The following MARCHF3 variants were observed in gnomAD, a reference collection of about 807,000 sequenced individuals.
MARCHF3 encodes the protein E3 ubiquitin-protein ligase MARCHF3.
A neutral mutation model predicts 24.2 loss-of-function variants in MARCHF3; 13 were observed. That is an observed-to-expected ratio of 0.54 (90% CI 0.35 to 0.85). The LOEUF is 0.85. Ranked by LOEUF, MARCHF3 falls within the 40% of genes least tolerant of loss-of-function variation. MARCHF3 has a pLI of 0.01. For synonymous variants in MARCHF3, 144 were observed against 137.3 expected (o/e 1.05, Z -0.34); for missense variants, 276 against 325.0 (o/e 0.85, Z 1.16).
chr5:126,948,707 A>G (rs1050153960), intron 1 of MARCHF3, among the ~76,000 whole-genome samples: 1 of 152,178 alleles, frequency 6.6e-6, no homozygotes, highest in Non-Finnish European at 1.5e-5. Context: ...AGAGACAGGG[A>G]ACTTGGTGAC....
At chr5:127,028,617 G>A (rs73783512) in intron 1 of MARCHF3, among the ~76,000 whole-genome samples, 3,550 of 149,554 alleles carry the variant, frequency 0.024, 59 homozygotes, top group Non-Finnish European at 0.027. Flanking sequence ...ATTTTAACAA[G>A]CAAAAGCAAA....
At chr5:126,962,834 C>CGT (rs10635460) in intron 1 of MARCHF3, among the ~76,000 whole-genome samples, 8,759 of 146,986 alleles carry the variant, frequency 0.06, 652 homozygotes, top group African/African-American at 0.18. Context: ...TGTGTGTGTG[C>CGT]GTGTGTGTGT....
chr5:126,971,198 C>T (rs139495629), intron 1 of MARCHF3, among the ~76,000 whole-genome samples: 3,089 of 151,992 alleles, frequency 0.02, 75 homozygotes, highest in South Asian at 0.12. Context: ...ACCTGTAATC[C>T]CAGCACTTTG....
intron 1 of MARCHF3, among the ~76,000 whole-genome samples, chr5:126,979,820 T>G (rs1449523367): frequency 6.6e-6 from 1 of 151,696 alleles, no homozygotes; most frequent in African/African-American, 2.4e-5. Flanking sequence ...TGGTGGTGCA[T>G]GCCTGTAATC....
chr5:126,997,913 A>T (rs1044687084), intron 1 of MARCHF3, among the ~76,000 whole-genome samples: 3 of 152,226 alleles, frequency 2.0e-5, no homozygotes, highest in African/African-American at 7.2e-5. Context: ...TATTAAGCCT[A>T]TTGACTGTTT....
At chr5:126,890,609 G>A (rs1347030717) in intron 3 of MARCHF3, among the ~76,000 whole-genome samples, 7 of 151,740 alleles carry the variant, frequency 4.6e-5, no homozygotes, top group Non-Finnish European at 7.4e-5. Context: ...CCTACAAAGG[G>A]CATGAACTCA....
chr5:126,878,375 G>A lies in MARCHF3; in HGVS notation c.413C>T (p.Pro138Leu). 1 of 1,613,462 alleles carries A rather than the reference G, an allele frequency of 6.2e-7. No homozygotes were observed. Among genetic ancestry groups the A allele is most frequent in the South Asian group, 1.1e-5 (1 of 90,956 alleles). Residue 138 changes from proline to leucine, a missense_variant, in exon 4 of 5, where the codon CCC (proline) becomes CTC (leucine). Physicochemically the swap from Pro to Leu is moderately conservative, Grantham distance 98 (BLOSUM62 -3). Transcript: ENST00000308660. ...PLVEWLRNPGPQHEKRTLFGD... is the reference protein window; with the variant it reads ...PLVEWLRNPGLQHEKRTLFGD... ...AAACAGAGTCCGCTTCTCATGCTGG[G>A]GGCCAGGGTTTCTCAGCCACTGCCA...
intron 1 of MARCHF3, among the ~76,000 whole-genome samples, chr5:126,951,253 T>A: frequency 6.6e-6 from 1 of 152,142 alleles, no homozygotes; most frequent in East Asian, 1.9e-4. Flanking sequence ...CTTTACTAGT[T>A]CCTCCCATTC....
At chr5:126,938,456 C>T (rs994872516) in intron 1 of MARCHF3, among the ~76,000 whole-genome samples, 4 of 151,636 alleles carry the variant, frequency 2.6e-5, no homozygotes, top group East Asian at 3.9e-4. Context: ...GTGTGAGCCA[C>T]TGTGCCTGGC....
At chr5:126,982,467 C>T (rs766095642) in intron 1 of MARCHF3, among the ~76,000 whole-genome samples, 3 of 152,192 alleles carry the variant, frequency 2.0e-5, no homozygotes, top group Non-Finnish European at 4.4e-5. Context: ...CCCAACACTA[C>T]TGGAGGGGAA....
At chr5:126,887,372 A>G (rs534309770) in intron 3 of MARCHF3, among the ~76,000 whole-genome samples, 1 of 152,382 alleles carries the variant, frequency 6.6e-6, no homozygotes, top group South Asian at 2.1e-4. Flanking sequence ...CAGTACAAAC[A>G]GAAATACAGA....
At chr5:126,969,724 T>A (rs1750935872) in intron 1 of MARCHF3, among the ~76,000 whole-genome samples, 1 of 152,166 alleles carries the variant, frequency 6.6e-6, no homozygotes, top group South Asian at 2.1e-4. Context: ...AGCATTAGAA[T>A]CACCTGGAGA....
intron 1 of MARCHF3, among the ~76,000 whole-genome samples, chr5:126,923,880 C>T (rs1749209536): frequency 6.6e-6 from 1 of 152,092 alleles, no homozygotes; most frequent in Non-Finnish European, 1.5e-5. Flanking sequence ...ACCTCTACAA[C>T]CAGAGTTGGT....
chr5:126,928,783 A>C (rs1749384000), intron 1 of MARCHF3, among the ~76,000 whole-genome samples: 1 of 152,190 alleles, frequency 6.6e-6, no homozygotes, highest in Admixed American at 6.5e-5. Context: ...CTAAAAATTA[A>C]TCAAGATTTT....
intron 1 of MARCHF3, among the ~76,000 whole-genome samples, chr5:126,959,125 T>C (rs1205160368): frequency 1.3e-5 from 2 of 152,094 alleles, no homozygotes; most frequent in East Asian, 3.8e-4. Flanking sequence ...CCAAAGGCTA[T>C]AGTATGGAAA....
chr5:126,936,922 G>A (rs1749666057), intron 1 of MARCHF3, among the ~76,000 whole-genome samples: 1 of 152,250 alleles, frequency 6.6e-6, no homozygotes, highest in East Asian at 1.9e-4. Flanking sequence ...CCTAGAAACA[G>A]CTGGTTCAGT....
At chr5:127,023,575 T>C (rs1168881708) in intron 1 of MARCHF3, among the ~76,000 whole-genome samples, 2 of 151,452 alleles carry the variant, frequency 1.3e-5, no homozygotes, top group East Asian at 1.9e-4. Flanking sequence ...TACTAAAAAA[T>C]ACAAAAATTA....
At chr5:126,970,680 C>T (rs192711806) in intron 1 of MARCHF3, among the ~76,000 whole-genome samples, 1 of 152,170 alleles carries the variant, frequency 6.6e-6, no homozygotes, top group Admixed American at 6.5e-5. Flanking sequence ...TTTTATCGGT[C>T]CCAGGATGGT....
chr5:126,977,087 T>C (rs552229808), intron 1 of MARCHF3, among the ~76,000 whole-genome samples: 2 of 152,358 alleles, frequency 1.3e-5, no homozygotes, highest in South Asian at 4.1e-4. Flanking sequence ...AGCACGTACA[T>C]GACTGAAGGC....
Sources: gnomAD v4.1 joint callset for allele counts (sites outside exome capture counted in the v4.1 genomes callset) on GRCh38, gnomAD v4.1.1 for gene constraint, MANE v1.5 for transcripts, NCBI Gene and HGNC (gene_info 2026-07-23, HGNC 2026-07-21) for gene names.